Variants in MMP12 observed in about 807,000 individuals in gnomAD.
MMP12 encodes macrophage metalloelastase.
MMP12 carries 51 observed loss-of-function variants against 45.2 expected under a neutral mutation model. The ratio of observed to expected loss-of-function variants is 1.13; its 90% CI spans 0.90 to 1.42. MMP12 has a LOEUF of 1.42. Ranked by LOEUF, MMP12 falls within the 40% of genes most tolerant of loss-of-function variation. The pLI is 0.00. For synonymous variants in MMP12, 210 were observed against 193.3 expected, an observed-to-expected ratio of 1.09 and a Z score of -0.72; for missense variants, 530 against 570.8, an observed-to-expected ratio of 0.93 and a Z score of 0.73.
rs191467061 is a variant in MMP12, at chr11:102,868,623, A to G, written c.626-554T>C. Among the ~76,000 whole-genome samples, 317 of 152,348 alleles carry G rather than the reference A, an allele frequency of 2.1e-3. 2 individuals carry two copies. Among genetic ancestry groups the G allele is most frequent in the African/African-American group, 7.4e-3 (306 of 41,588 alleles). Reference sequence around the variant, plus strand: ...AAGTTTCAGGTACTGTGAGTCACTGAGAAATGTAACACATTATGTCTAATT... The same window carrying G: ...AAGTTTCAGGTACTGTGAGTCACTGGGAAATGTAACACATTATGTCTAATT... On this transcript the variant is annotated intron_variant, in intron 4 of 9. Transcript: ENST00000571244.
In MMP12 at chr11:102,873,116, GA is replaced by G. The variant is rs552593852; in HGVS notation, c.103-5del. On this transcript the variant is annotated splice_region_variant and splice_polypyrimidine_tract_variant and intron_variant, in intron 1 of 9. Transcript: ENST00000571244. ...CATAAAATTTTTCTAAGTATCTCTG[GA>G]AAAAAAAATACATTCAGCAATGTGT... 94 of 1,566,020 alleles carry G rather than the reference GA, an allele frequency of 6.0e-5. No homozygotes were observed. Among genetic ancestry groups the G allele is most frequent in the African/African-American group, 1.5e-4 (11 of 71,884 alleles).
intron 8 of MMP12, among the ~76,000 whole-genome samples, chr11:102,864,895 T>C (rs1353248793): frequency 1.3e-5 from 2 of 152,166 alleles, no homozygotes; most frequent in African/African-American, 2.4e-5. Flanking sequence ...TCAATGGCCT[T>C]TCAGGGAAAA....
chr11:102,874,692 C>T, intron 1 of MMP12, 144 bp downstream of exon 1: 2 of 533,616 alleles, frequency 3.7e-6, no homozygotes. Flanking sequence ...AAACTTAATA[C>T]TGAAAGCAGA....
rs200974220 is a variant in MMP12, at chr11:102,864,167, C to T, written c.1291G>A (p.Ala431Thr). 1 of 1,612,318 alleles carries T rather than the reference C, an allele frequency of 6.2e-7. No individual in the cohort carries two copies. The highest frequency in any genetic ancestry group is 1.3e-5 in the African/African-American group (1 of 74,882). The change falls in exon 9 of 10, where the codon GCA becomes ACA. Residue 431 changes from alanine to threonine, a missense_variant. Physicochemically the swap from Ala to Thr is moderately conservative, Grantham distance 58. Coordinates refer to ENST00000571244, the MANE Select transcript of MMP12 (RefSeq NM_002426.6). ...TTACTGTTTTTAGAGTAGAAGACTG[C>T]ATCAATTTTAGGCCCGATTCCTTGG... ...NFQGIGPKID[A>T]VFYSKNKYYY... is the part of the protein sequence containing the mutation.
rs1555009636 is a variant in MMP12 at position 102,873,031 on chromosome 11, C to A, written c.184G>T (p.Glu62Ter). 6.2e-7 allele frequency: 1 copy of A among 1,612,956 alleles called. No individual in the cohort carries two copies. Among genetic ancestry groups the A allele is most frequent in the South Asian group, 1.1e-5 (1 of 90,898 alleles). The change falls in exon 2 of 10, where the codon GAA becomes TAA. Residue 62 changes from glutamate (E) to a stop codon, truncating the protein, a stop_gained. Coordinates refer to ENST00000571244, the MANE Select transcript of MMP12 (RefSeq NM_002426.6). LOFTEE classifies it high-confidence loss of function. ...KMKYSGNLMK[E>*]KIQEMQHFLG... is the part of the protein sequence containing the mutation. ...AAGTGCTGCATTTCTTGGATTTTTT[C>A]CTTCATTAAGTTTCCACTATATTTC... is the stretch of plus-strand genomic sequence containing the variant.
intron 9 of MMP12, among the ~76,000 whole-genome samples, chr11:102,863,588 G>T (rs1380881222): frequency 6.6e-6 from 1 of 152,126 alleles, no homozygotes; most frequent in Non-Finnish European, 1.5e-5. Context: ...GCACACAGGG[G>T]CTTTGATGGA....
Position 102,873,067 on chromosome 11 carries a change from C to G in MMP12, c.148G>C (p.Val50Leu), listed in dbSNP as rs371800506. The change falls in exon 2 of 10, where the codon GTG becomes CTG. Residue 50 changes from valine to leucine, a missense_variant. Coordinates refer to ENST00000571244, the MANE Select transcript of MMP12 (RefSeq NM_002426.6). The part of the protein sequence containing the change: ...FYGLEINKLP[V>L]TKMKYSGNLM... ...TTTCCACTATATTTCATTTTTGTCACTGGAAGTTTGTTTATCTCAAGGCCA... is the reference window on the plus strand; with the variant it reads ...TTTCCACTATATTTCATTTTTGTCAGTGGAAGTTTGTTTATCTCAAGGCCA... 1.9e-6 allele frequency: 3 copies of G among 1,612,998 alleles called. No individual in the cohort carries two copies. The highest frequency in any genetic ancestry group is 1.1e-5 in the South Asian group (1 of 90,944).
At chr11:102,867,525 T>C in intron 5 of MMP12, 132 bp from the exon 6 acceptor site, 1 of 953,048 alleles carries the variant, frequency 1.0e-6, no homozygotes, top group Non-Finnish European at 1.5e-6. Context: ...TTCTATAACA[T>C]TCACAGGAAG....
Position 102,865,871 on chromosome 11 carries a change from A to C in MMP12, c.1110T>G (p.Ser370=). 1 of 1,613,250 alleles carries C rather than the reference A, an allele frequency of 6.2e-7. No homozygotes were observed. Among genetic ancestry groups the C allele is most frequent in the Non-Finnish European group, 8.5e-7 (1 of 1,179,404 alleles). ...PEPNYPKSIH[S]FGFPNFVKKI... is the part of the protein sequence containing the mutation. Reference sequence around the variant, plus strand: ...TTTTCACAAAGTTAGGAAAACCAAAAGAATGTATGCTCTTGGGATAATTTG... The same window carrying C: ...TTTTCACAAAGTTAGGAAAACCAAACGAATGTATGCTCTTGGGATAATTTG... The change falls in exon 8 of 10, where the codon TCT becomes TCG. Residue 370 remains serine, a synonymous_variant. Transcript: ENST00000571244. This position sits in a 1 kb window ranked among gnomAD's most constrained non-coding sequence, Gnocchi z 4.1.
Position 102,866,467 on chromosome 11 carries a change from G to A in MMP12, c.912-19C>T, listed in dbSNP as rs782375468. ...GAAGAACCTGACATGAAAGACATTT[G>A]ACACATGTTAAAAGACAATGTAGAC... On this transcript the variant is annotated intron_variant, in intron 6 of 9. Coordinates refer to ENST00000571244, the MANE Select transcript of MMP12 (RefSeq NM_002426.6). The A allele has an allele frequency of 6.8e-6, 11 of 1,608,900 alleles. No individual in the cohort carries two copies. The highest frequency in any genetic ancestry group is 9.3e-6 in the Non-Finnish European group (11 of 1,177,830).
At position 102,866,415 on chromosome 11, in the gene MMP12, C is replaced by A; in HGVS notation, c.945G>T (p.Lys315Asn). ...FFWLKVSERP[K>N]TSVNLISSLW... ...AGGAAGAAATTAAATTAACACTGGT[C>A]TTTGGTCTCTCAGAAACCTTCAGCC... The change falls in exon 7 of 10, where the codon AAG (lysine) becomes AAT (asparagine). Residue 315 changes from lysine (K) to asparagine (N), a missense_variant. Lys to Asn is a moderately conservative substitution (Grantham distance 94). Coordinates refer to ENST00000571244, the MANE Select transcript of MMP12 (RefSeq NM_002426.6). 6.2e-7 allele frequency: 1 copy of A among 1,610,412 alleles called. No individual in the cohort carries two copies. Among genetic ancestry groups the A allele is most frequent in the Non-Finnish European group, 8.5e-7 (1 of 1,178,340 alleles).
In MMP12 at chr11:102,867,366, G is replaced by A. The variant is rs200034246; in HGVS notation, c.815C>T (p.Pro272Leu). 1 of 1,611,066 alleles carries A rather than the reference G, an allele frequency of 6.2e-7. No individual in the cohort carries two copies. Among genetic ancestry groups the A allele is most frequent in the Non-Finnish European group, 8.5e-7 (1 of 1,178,688 alleles). The part of the protein sequence containing the change: ...YGDPKENQRL[P>L]NPDNSEPALC... ...AGCTGGTTCTGAATTGTCAGGATTT[G>A]GCAAGCGTTGGTTCTCTTTTGGGTC... Residue 272 changes from proline to leucine, a missense_variant, in exon 6 of 10, where the codon CCA becomes CTA. Coordinates refer to ENST00000571244, the MANE Select transcript of MMP12 (RefSeq NM_002426.6).
At chr11:102,864,819 A>G (rs1391363891) in intron 8 of MMP12, among the ~76,000 whole-genome samples, 1 of 152,208 alleles carries the variant, frequency 6.6e-6, no homozygotes, top group Non-Finnish European at 1.5e-5. Context: ...TGGCAACTGA[A>G]TCTAACTGTT....
intron 8 of MMP12, 94 bp from the exon 9 acceptor site, chr11:102,864,346 C>A: frequency 1.2e-6 from 1 of 804,294 alleles, no homozygotes; most frequent in East Asian, 2.6e-5. Context: ...AGCTCTTCCC[C>A]AAAGGACTTA....
rs28381691 is a variant in MMP12, at chr11:102,865,107, T to A, written c.1205+669A>T. The stretch of plus-strand genomic sequence containing the variant: ...CAAGTCATAAGCATCCGGTATTCAA[T>A]TGGAATTAGATATTGTGTTTTAAAT... On this transcript the variant is annotated intron_variant, in intron 8 of 9. Coordinates refer to ENST00000571244, the MANE Select transcript of MMP12 (RefSeq NM_002426.6). The surrounding 1 kb of genome is among the most constrained non-coding windows in gnomAD (Gnocchi z 4.1). 3.4e-4 allele frequency among the ~76,000 whole-genome samples: 52 copies of A among 150,848 alleles called. No homozygotes were observed. Among genetic ancestry groups the A allele is most frequent in the African/African-American group, 1.2e-3 (49 of 41,526 alleles).
rs1165526573 is a variant in MMP12 at position 102,872,903 on chromosome 11, T to C, written c.312A>G (p.Pro104=). The C allele has an allele frequency of 6.2e-7, 1 of 1,613,750 alleles. No individual in the cohort carries two copies. Among genetic ancestry groups the C allele is most frequent in the Non-Finnish European group, 8.5e-7 (1 of 1,179,844 alleles). ...VPDVHHFREM[P]GGPVWRKHYI... is the part of the protein sequence containing the mutation. Reference sequence around the variant, plus strand: ...AATGTTTCCTCCATACGGGCCCCCCTGGCATTTCCCTGAAATGATGGACAT... The same window carrying C: ...AATGTTTCCTCCATACGGGCCCCCCCGGCATTTCCCTGAAATGATGGACAT... The change falls in exon 2 of 10, where the codon CCA becomes CCG. Residue 104 remains proline (P), a synonymous_variant. Coordinates refer to ENST00000571244, the MANE Select transcript of MMP12 (RefSeq NM_002426.6).
At chr11:102,871,048 T>G (rs1859484221) in intron 4 of MMP12, among the ~76,000 whole-genome samples, 1 of 152,068 alleles carries the variant, frequency 6.6e-6, no homozygotes, top group East Asian at 1.9e-4. Flanking sequence ...CGAGGCAACA[T>G]AGCAAGATCC....
At chr11:102,868,596 T>C (rs1375146952) in intron 4 of MMP12, among the ~76,000 whole-genome samples, 1 of 152,186 alleles carries the variant, frequency 6.6e-6, no homozygotes, top group South Asian at 2.1e-4. Context: ...AAGGCTATCA[T>C]TAAGTTTCAG....
In MMP12 at chr11:102,874,928, GA is replaced by G; in HGVS notation, c.9del (p.Leu4PhefsTer2). ...GTGGCCTGCAGGAGCAGTATTAGAA[GA>G]AACTTCATTGTAAACTTCTAAACGG... MK[F>X]LLILLLQATA... On this transcript the variant is annotated frameshift_variant, in exon 1 of 10. Coordinates refer to ENST00000571244, the MANE Select transcript of MMP12 (RefSeq NM_002426.6). LOFTEE classifies it high-confidence loss of function. 2 of 1,591,880 alleles carry G rather than the reference GA, an allele frequency of 1.3e-6. No individual in the cohort carries two copies. The highest frequency in any genetic ancestry group is 1.1e-5 in the South Asian group (1 of 87,416).
Sources: gnomAD v4.1 joint callset for allele counts (sites outside exome capture counted in the v4.1 genomes callset) on GRCh38, gnomAD v4.1.1 for gene constraint, Gnocchi (gnomAD v3.1) non-coding constraint, MANE v1.5 for transcripts, NCBI Gene and HGNC (gene_info 2026-07-23, HGNC 2026-07-21) for gene names.